The following KLRD1 variants were observed in gnomAD, a reference collection of about 807,000 sequenced individuals.
The protein encoded by KLRD1 is natural killer cells antigen CD94.
In KLRD1, 21 loss-of-function variants were observed where a neutral mutation model predicts 22.6. That is an observed-to-expected ratio of 0.93 (90% confidence interval 0.66 to 1.34). The LOEUF (loss-of-function observed/expected upper bound fraction) is 1.34, where lower values mean the gene tolerates loss of function less well. Ranked by LOEUF, KLRD1 falls within the 40% of genes most tolerant of loss-of-function variation. The pLI is 0.00. For missense variants in KLRD1, 183 were observed against 208.6 expected, an observed-to-expected ratio of 0.88 and a Z score of 0.76; for synonymous variants, 59 against 71.1, an observed-to-expected ratio of 0.83 and a Z score of 0.85.
chr12:10,306,438 A>C (rs1949930118), upstream of KLRD1, among the ~76,000 whole-genome samples: 1 of 152,216 alleles, frequency 6.6e-6, no homozygotes, highest in Non-Finnish European at 1.5e-5. Flanking sequence ...TAGAACCTCT[A>C]ACTTCCAAAT....
chr12:10,241,835 T>C (rs1023798952), intron 1 of KLRD1, among the ~76,000 whole-genome samples: 5 of 152,164 alleles, frequency 3.3e-5, no homozygotes, highest in African/African-American at 1.2e-4. Flanking sequence ...ATTTTTGTAC[T>C]GTTTACTAAA....
rs1404905532 is a variant in KLRD1, at chr12:10,324,943, A to G, written c.*10150A>G. ...CTGTAGATTTCATTGGGTTATCTGCATAGATGAATAAAGACAGTTTTTACC... is the reference window on the plus strand; with the variant it reads ...CTGTAGATTTCATTGGGTTATCTGCGTAGATGAATAAAGACAGTTTTTACC... On this transcript the variant is annotated 3_prime_UTR_variant, in exon 6 of 6. Transcript: ENST00000336164. 6.6e-6 allele frequency: 1 copy of G among 150,958 alleles called. No individual in the cohort carries two copies. Among genetic ancestry groups the G allele is most frequent in the Non-Finnish European group, 1.5e-5 (1 of 67,726 alleles). 9.4% of individuals were successfully genotyped at this position (150,958 alleles called of 1,614,324 possible).
chr12:10,251,621 T>TAAA (rs1236889093), intron 1 of KLRD1, among the ~76,000 whole-genome samples: 1 of 151,990 alleles, frequency 6.6e-6, no homozygotes, highest in Middle Eastern at 3.2e-3. Context: ...TTGTAATATA[T>TAAA]AATGAAATAA....
upstream of KLRD1, among the ~76,000 whole-genome samples, chr12:10,303,744 C>T (rs1949886750): frequency 1.3e-5 from 2 of 152,128 alleles, no homozygotes. Context: ...CTTTTTCTGG[C>T]ATGCATCCCC....
Position 10,307,976 on chromosome 12 carries a change from A to G in KLRD1, c.-102A>G, listed in dbSNP as rs899284718. The G allele has an allele frequency of 5.7e-6, 6 of 1,051,752 alleles. No individual in the cohort carries two copies. Among genetic ancestry groups the G allele is most frequent in the African/African-American group, 3.2e-5 (2 of 62,630 alleles). 65.2% of individuals were successfully genotyped at this position (1,051,752 alleles called of 1,614,324 possible). The stretch of plus-strand genomic sequence containing the variant: ...CTAAATTTCTTCATACTCAACTTTC[A>G]GATTCTTTAATCTCCAGCTCAGCTT... On this transcript the variant is annotated 5_prime_UTR_variant, in exon 1 of 6. Transcript: ENST00000336164.
At chr12:10,303,653 A>G (rs1307367872), upstream of KLRD1, among the ~76,000 whole-genome samples, 1 of 152,186 alleles carries the variant, frequency 6.6e-6, no homozygotes, top group Non-Finnish European at 1.5e-5. Flanking sequence ...GCCAACAAAG[A>G]TAAATATTTT....
intron 1 of KLRD1, among the ~76,000 whole-genome samples, chr12:10,266,017 G>A (rs1949495635): frequency 6.6e-6 from 1 of 152,108 alleles, no homozygotes; most frequent in Non-Finnish European, 1.5e-5. Context: ...GTAAAATGCT[G>A]TGTATATATA....
rs1397545478 is a variant in KLRD1, at chr12:10,319,087, G to A, written c.*4294G>A. ...ACCTTGCCATGGTGGTGCTAAAGAA[G>A]ACATAAATAATACAAAAATGAATGG... is the stretch of plus-strand genomic sequence containing the variant. On this transcript the variant is annotated 3_prime_UTR_variant, in exon 6 of 6. Transcript: ENST00000336164. The A allele has an allele frequency of 2.0e-5, 3 of 152,038 alleles. No homozygotes were observed. Among genetic ancestry groups the A allele is most frequent in the Admixed American group, 6.6e-5 (1 of 15,254 alleles). 9.4% of individuals were successfully genotyped at this position (152,038 alleles called of 1,614,324 possible). A position where few individuals can be genotyped will look rare whatever the true frequency, so the allele number is the denominator to read the frequency against.
intron 1 of KLRD1, among the ~76,000 whole-genome samples, chr12:10,265,325 C>T (rs10845098): frequency 0.8 from 122,178 of 152,160 alleles, 53,621 homozygotes; most frequent in Non-Finnish European, 0.98. Context: ...ATATTTACTT[C>T]ATAAACTTAT....
intron 1 of KLRD1, among the ~76,000 whole-genome samples, chr12:10,293,097 G>GAGAGGTGAGAAA (rs1949784539): frequency 9.5e-6 from 1 of 105,760 alleles, no homozygotes; most frequent in African/African-American, 3.7e-5. Flanking sequence ...CTTAGGCTTT[G>GAGAGGTGAGAAA]GCTTAAAGGA....
At chr12:10,254,614 C>T (rs1033881206) in intron 1 of KLRD1, among the ~76,000 whole-genome samples, 3 of 151,938 alleles carry the variant, frequency 2.0e-5, no homozygotes, top group African/African-American at 4.8e-5. Context: ...AAAGGCTGGG[C>T]GTGGTGGCTC....
At chr12:10,301,670 C>T (rs187040578), upstream of KLRD1, among the ~76,000 whole-genome samples, 123 of 152,310 alleles carry the variant, frequency 8.1e-4, no homozygotes, top group African/African-American at 2.9e-3. Context: ...GGCTTCTTGG[C>T]TTTCTTAGCA....
chr12:10,312,778 GA>G (rs1306320128), intron 4 of KLRD1, among the ~76,000 whole-genome samples: 1 of 149,580 alleles, frequency 6.7e-6, no homozygotes, highest in Non-Finnish European at 1.5e-5. Flanking sequence ...TCACAGTCAG[GA>G]GATCGAGACC....
At chr12:10,248,520 TG>T (rs1325013282) in intron 1 of KLRD1, among the ~76,000 whole-genome samples, 1 of 149,076 alleles carries the variant, frequency 6.7e-6, no homozygotes, top group Non-Finnish European at 1.5e-5. Context: ...TTTATTTAAA[TG>T]TATTTTCTTT....
intron 1 of KLRD1, among the ~76,000 whole-genome samples, chr12:10,239,625 C>T (rs1949223304): frequency 1.4e-5 from 2 of 140,316 alleles, no homozygotes; most frequent in Non-Finnish European, 3.1e-5. Context: ...CTTCTTTTCT[C>T]TTTCTCTCTG....
rs1950303090 is a variant in KLRD1, at chr12:10,320,562, T to C, written c.*5769T>C. 6.6e-6 allele frequency: 1 copy of C among 152,194 alleles called. No homozygotes were observed. Among genetic ancestry groups the C allele is most frequent in the South Asian group, 2.1e-4 (1 of 4,838 alleles). 9.4% of individuals were successfully genotyped at this position (152,194 alleles called of 1,614,324 possible). The stretch of plus-strand genomic sequence containing the variant: ...TTTCTTCCTACTACTTATATTACAA[T>C]GCTATAGAACACACATAAGCTAATG... On this transcript the variant is annotated 3_prime_UTR_variant, in exon 6 of 6. Coordinates refer to ENST00000336164, the MANE Select transcript of KLRD1 (RefSeq NM_002262.5).
At chr12:10,239,413 C>CTTCT (rs1288417793) in intron 1 of KLRD1, among the ~76,000 whole-genome samples, 5 of 65,666 alleles carry the variant, frequency 7.6e-5, no homozygotes, top group African/African-American at 2.5e-4. Flanking sequence ...TCCTTCCTTC[C>CTTCT]TTCTTTCCAT....
In KLRD1 at chr12:10,268,720, A is replaced by G. The variant is rs894254912; in HGVS notation, c.-100-39258A>G. 2.6e-5 allele frequency among the ~76,000 whole-genome samples: 4 copies of G among 152,190 alleles called. No homozygotes were observed. The South Asian group carries it at 8.3e-4, about 32-fold the overall frequency. ...ATGCAAAAAAATGTTGAATACTAAT[A>G]GTTATAGCAGTCATCCTTGTCTTCC... On this transcript the variant is annotated intron_variant, in intron 1 of 5. Transcript: ENST00000544747.
In KLRD1 at chr12:10,319,466, C is replaced by T. The variant is rs1387965856; in HGVS notation, c.*4673C>T. On this transcript the variant is annotated 3_prime_UTR_variant, in exon 6 of 6. Transcript: ENST00000336164. The stretch of plus-strand genomic sequence containing the variant: ...CTTTCCACATTGTATCAAGGTTGCT[C>T]TGTGTGACCAATGAAATAAAGTGGA... 6.6e-6 allele frequency: 1 copy of T among 152,164 alleles called. No homozygotes were observed. Among genetic ancestry groups the T allele is most frequent in the African/African-American group, 2.4e-5 (1 of 41,422 alleles). The allele number at this position is 152,164 out of a possible 1,614,324, so 9.4% of individuals were successfully genotyped here. A position where few individuals can be genotyped will look rare whatever the true frequency, so the allele number is the denominator to read the frequency against.
Sources: allele counts gnomAD v4.1 joint callset (sites outside exome capture counted in the v4.1 genomes callset), GRCh38; gene constraint gnomAD v4.1.1; transcripts MANE v1.5; gene names NCBI Gene and HGNC (gene_info 2026-07-23, HGNC 2026-07-21).